SLC24A2: variants seen among roughly 807,000 people sequenced by gnomAD.
The protein encoded by SLC24A2 is sodium/potassium/calcium exchanger 2.
In SLC24A2, 36 loss-of-function variants were observed where a neutral mutation model predicts 62.0. That is an observed-to-expected ratio of 0.58 (90% CI 0.44 to 0.77). SLC24A2 has a LOEUF of 0.77. Ranked by LOEUF, SLC24A2 falls within the 30% of genes least tolerant of loss-of-function variation. SLC24A2 has a pLI of 0.00. For missense variants in SLC24A2, 846 were observed against 817.9 expected (o/e 1.03, Z -0.42); for synonymous variants, 358 against 294.0 (o/e 1.22, Z -2.23).
the SLC24A2 span, among the ~76,000 whole-genome samples, chr9:20,109,804 G>C: frequency 2.0e-5 from 3 of 152,092 alleles, no homozygotes; most frequent in African/African-American, 7.2e-5. Context: ...ACCCAAGGGC[G>C]TGGTCTAGAG....
the SLC24A2 span, among the ~76,000 whole-genome samples, chr9:20,259,016 G>C: frequency 1.7e-4 from 26 of 152,038 alleles, no homozygotes; most frequent in African/African-American, 5.6e-4. Context: ...ACATGGAAGA[G>C]GGAGACAGAA....
chr9:19,660,569 A>G (rs186657349), intron 2 of SLC24A2, among the ~76,000 whole-genome samples: 2 of 152,268 alleles, frequency 1.3e-5, no homozygotes, highest in East Asian at 3.9e-4. Flanking sequence ...GCAGCTAAGT[A>G]AAGAGAAAGA....
At chr9:19,818,447 G>T in the SLC24A2 span, among the ~76,000 whole-genome samples, 1 of 152,010 alleles carries the variant, frequency 6.6e-6, no homozygotes, top group Non-Finnish European at 1.5e-5. Context: ...CGTTTACCCC[G>T]AAAACCCTAA....
intron 8 of SLC24A2, among the ~76,000 whole-genome samples, chr9:19,541,869 G>A (rs1297709803): frequency 3.9e-5 from 6 of 151,920 alleles, no homozygotes; most frequent in Non-Finnish European, 7.4e-5. Flanking sequence ...TTCCGTGGGC[G>A]TAGGACCCTC....
At chr9:20,193,239 C>T in the SLC24A2 span, among the ~76,000 whole-genome samples, 1 of 152,088 alleles carries the variant, frequency 6.6e-6, no homozygotes, top group Non-Finnish European at 1.5e-5. Context: ...AAATAAAGTA[C>T]AAACTGGATT....
chr9:20,203,699 G>A, the SLC24A2 span, among the ~76,000 whole-genome samples: 2 of 151,798 alleles, frequency 1.3e-5, no homozygotes, highest in African/African-American at 4.8e-5. Context: ...AAAAAAAGAA[G>A]AAGAAAGAAG....
At chr9:19,636,335 C>CTTTCTTTCTTTCTTTCTTTG (rs1564009866) in intron 2 of SLC24A2, among the ~76,000 whole-genome samples, 2 of 24,022 alleles carry the variant, frequency 8.3e-5, no homozygotes, top group Non-Finnish European at 1.7e-4. Context: ...TTCTTTCTTT[C>CTTTCTTTCTTTCTTTCTTTG]TTTCTTTCTT....
the SLC24A2 span, among the ~76,000 whole-genome samples, chr9:20,292,969 G>C: frequency 8.5e-5 from 13 of 152,304 alleles, no homozygotes; most frequent in East Asian, 1.7e-3. Context: ...ACCTGTAAGG[G>C]AAACCTTCCT....
chr9:19,791,993 G>C (rs1823325048), upstream of SLC24A2, among the ~76,000 whole-genome samples: 1 of 152,142 alleles, frequency 6.6e-6, no homozygotes, highest in Admixed American at 6.5e-5. Flanking sequence ...TTGTTTTGAA[G>C]AGGAGGCTTT....
the SLC24A2 span, among the ~76,000 whole-genome samples, chr9:20,233,155 C>A: frequency 1.3e-5 from 2 of 152,126 alleles, no homozygotes; most frequent in Admixed American, 6.5e-5. Context: ...ACTATGTGGT[C>A]AATTTTGTAG....
chr9:19,637,741 C>T (rs1818395703), intron 2 of SLC24A2, among the ~76,000 whole-genome samples: 1 of 152,132 alleles, frequency 6.6e-6, no homozygotes, highest in African/African-American at 2.4e-5. Context: ...GATGGAGCAA[C>T]CGGATGGTGT....
chr9:19,658,616 A>G (rs576066450), intron 2 of SLC24A2, among the ~76,000 whole-genome samples: 12 of 152,194 alleles, frequency 7.9e-5, no homozygotes, highest in Non-Finnish European at 1.5e-4. Flanking sequence ...GCCCCTCCAT[A>G]TCAAATCTTC....
At chr9:20,291,607 A>T in the SLC24A2 span, among the ~76,000 whole-genome samples, 1 of 152,154 alleles carries the variant, frequency 6.6e-6, no homozygotes, top group Non-Finnish European at 1.5e-5. Context: ...CACCCTTATG[A>T]TGACCCCCCA....
chr9:19,690,608 G>A (rs533948818), intron 2 of SLC24A2, among the ~76,000 whole-genome samples: 1 of 152,250 alleles, frequency 6.6e-6, no homozygotes, highest in East Asian at 1.9e-4. Flanking sequence ...CACAGAAAGA[G>A]GTAAAGGCCA....
chr9:19,897,882 C>A, the SLC24A2 span, among the ~76,000 whole-genome samples: 4 of 152,190 alleles, frequency 2.6e-5, no homozygotes, highest in Non-Finnish European at 5.9e-5. Context: ...CTGCTTTGAA[C>A]AGAATTACGC....
the SLC24A2 span, among the ~76,000 whole-genome samples, chr9:19,891,390 A>G: frequency 6.6e-6 from 1 of 152,184 alleles, no homozygotes; most frequent in African/African-American, 2.4e-5. Context: ...TTGTGTTGCT[A>G]TACAAGAAAC....
chr9:19,718,802 T>C (rs925199847), intron 2 of SLC24A2, among the ~76,000 whole-genome samples: 2 of 152,192 alleles, frequency 1.3e-5, no homozygotes, highest in African/African-American at 4.8e-5. Context: ...AGATGACCCA[T>C]TTTCAGTCCT....
chr9:19,758,300 G>C (rs916822342), intron 2 of SLC24A2, among the ~76,000 whole-genome samples: 1 of 152,100 alleles, frequency 6.6e-6, no homozygotes, highest in Non-Finnish European at 1.5e-5. Flanking sequence ...CAGGCTTTTT[G>C]CCTGAACTAA....
At chr9:20,190,663 G>T in the SLC24A2 span, among the ~76,000 whole-genome samples, 1 of 151,926 alleles carries the variant, frequency 6.6e-6, no homozygotes, top group South Asian at 2.1e-4. Flanking sequence ...ATTTGAACCT[G>T]GTCTGTTGGA....
Sources: allele counts gnomAD v4.1 joint callset (sites outside exome capture counted in the v4.1 genomes callset), GRCh38; gene constraint gnomAD v4.1.1; transcripts MANE v1.5; gene names NCBI Gene and HGNC (gene_info 2026-07-23, HGNC 2026-07-21).